The following GADL1 variants were observed in gnomAD, a reference collection of about 807,000 sequenced individuals.
GADL1 encodes acidic amino acid decarboxylase GADL1.
A neutral mutation model predicts 69.5 loss-of-function variants in GADL1; 71 were observed. The observed-to-expected ratio is 1.02, with a 90% CI of 0.84 to 1.25. The LOEUF (loss-of-function observed/expected upper bound fraction) is 1.25. GADL1 is among the 50% of genes most tolerant of loss of function. GADL1 has a pLI of 0.00. For synonymous variants in GADL1, 254 were observed against 214.4 expected, an observed-to-expected ratio of 1.18 and a Z score of -1.62; for missense variants, 737 against 631.8, an observed-to-expected ratio of 1.17 and a Z score of -1.79.
In GADL1 at chr3:30,826,399, A is replaced by G. The variant is rs188214292; in HGVS notation, c.1050+7454T>C. Reference sequence around the variant, plus strand: ...TCCATACTGAAACAGGCTGGCTGCCAAGATGAGTGAATTCTTTACCTGGGA... The same window carrying G: ...TCCATACTGAAACAGGCTGGCTGCCGAGATGAGTGAATTCTTTACCTGGGA... On this transcript the variant is annotated intron_variant, in intron 11 of 14. Transcript: ENST00000282538. Among the ~76,000 whole-genome samples the G allele has an allele frequency of 7.2e-5, 11 of 152,032 alleles. No homozygotes were observed. The East Asian group carries it at 2.1e-3, about 30-fold the overall frequency.
At chr3:30,824,825 T>A (rs1697656532) in intron 11 of GADL1, among the ~76,000 whole-genome samples, 1 of 150,534 alleles carries the variant, frequency 6.6e-6, no homozygotes, top group Non-Finnish European at 1.5e-5. Flanking sequence ...TCTCTGGGTT[T>A]CTGGTTATGT....
At chr3:30,745,360 T>C (rs1695687299) in intron 14 of GADL1, among the ~76,000 whole-genome samples, 1 of 152,264 alleles carries the variant, frequency 6.6e-6, no homozygotes, top group Non-Finnish European at 1.5e-5. Context: ...TACATGTCTA[T>C]CAATTAGATC....
Position 30,868,267 on chromosome 3 carries a change from G to A in GADL1, c.38-6502C>T, listed in dbSNP as rs567120997. 1.1e-4 allele frequency among the ~76,000 whole-genome samples: 17 copies of A among 152,106 alleles called. No homozygotes were observed. The South Asian group carries it at 2.7e-3, about 24-fold the overall frequency. ...GCTCTCAGTTTTTTCAGTGGTTTCC[G>A]ATAGTCCGTGGTCTGTAGTCTGGAC... On this transcript the variant is annotated intron_variant, in intron 1 of 14. Coordinates refer to ENST00000282538, the MANE Select transcript of GADL1 (RefSeq NM_207359.3).
chr3:30,771,668 G>T (rs1413888817), intron 14 of GADL1, among the ~76,000 whole-genome samples: 1 of 152,118 alleles, frequency 6.6e-6, no homozygotes, highest in East Asian at 1.9e-4. Context: ...CCTCATCTTT[G>T]AACATTTTTT....
chr3:30,862,526 G>A (rs890762575), intron 1 of GADL1, among the ~76,000 whole-genome samples: 2 of 151,974 alleles, frequency 1.3e-5, no homozygotes, highest in Non-Finnish European at 2.9e-5. Flanking sequence ...GCATTTCTGA[G>A]CCCTAGGATG....
At position 30,801,914 on chromosome 3, in the gene GADL1, A is replaced by G. The variant is rs528406973; in HGVS notation, c.1051-826T>C. Among the ~76,000 whole-genome samples, 3 of 152,266 alleles carry G rather than the reference A, an allele frequency of 2.0e-5. No homozygotes were observed. In the East Asian group the frequency reaches 5.8e-4, roughly 29 times the overall value. On this transcript the variant is annotated intron_variant, in intron 11 of 14. Coordinates refer to ENST00000282538, the MANE Select transcript of GADL1 (RefSeq NM_207359.3). ...TTATGCTCCTCAGTGGAGCCAATGT[A>G]CTCAATGTCCTTGAACCACTACATC...
intron 6 of GADL1, among the ~76,000 whole-genome samples, chr3:30,846,352 T>C (rs73823930): frequency 0.072 from 10,983 of 152,242 alleles, 1,145 homozygotes; most frequent in African/African-American, 0.22. Context: ...TTCATTTCTA[T>C]AAAGATAAAA....
At chr3:30,835,632 T>G (rs1261330068) in intron 9 of GADL1, among the ~76,000 whole-genome samples, 5 of 152,028 alleles carry the variant, frequency 3.3e-5, no homozygotes, top group African/African-American at 1.2e-4. Context: ...GCTGGACTCT[T>G]GCAAGGCCCT....
intron 1 of GADL1, among the ~76,000 whole-genome samples, chr3:30,865,629 G>T (rs1698391076): frequency 6.6e-6 from 1 of 152,010 alleles, no homozygotes; most frequent in Non-Finnish European, 1.5e-5. Context: ...CAGTTAATGG[G>T]CTAGAGAAGA....
intron 8 of GADL1, 141 bp downstream of exon 8, chr3:30,844,069 C>T: frequency 3.0e-6 from 2 of 666,642 alleles, no homozygotes; most frequent in South Asian, 1.9e-5. Flanking sequence ...TTAATTCCAA[C>T]ATTCTCTCTC....
At chr3:30,856,762 T>G (rs1207203948) in intron 3 of GADL1, among the ~76,000 whole-genome samples, 3 of 151,940 alleles carry the variant, frequency 2.0e-5, no homozygotes, top group Admixed American at 1.3e-4. Flanking sequence ...AACTAGTATG[T>G]GGGGGTTGGC....
At chr3:30,879,163 A>G (rs1698612586) in intron 1 of GADL1, among the ~76,000 whole-genome samples, 1 of 151,856 alleles carries the variant, frequency 6.6e-6, no homozygotes, top group South Asian at 2.1e-4. Context: ...GTCATGTGGG[A>G]TGCATACTCA....
intron 14 of GADL1, among the ~76,000 whole-genome samples, chr3:30,733,484 G>T (rs987673443): frequency 5.9e-5 from 9 of 152,062 alleles, no homozygotes; most frequent in Non-Finnish European, 1.3e-4. Context: ...GAAAAAATTG[G>T]CATGAAATGT....
chr3:30,822,039 A>G (rs869485), intron 11 of GADL1, among the ~76,000 whole-genome samples: 54,633 of 151,820 alleles, frequency 0.36, 13,380 homozygotes, highest in African/African-American at 0.66. Context: ...GTACAATATT[A>G]GGTTTCACTT....
intron 14 of GADL1, among the ~76,000 whole-genome samples, chr3:30,770,814 AAG>A (rs1462516983): frequency 2.2e-5 from 2 of 92,652 alleles, no homozygotes; most frequent in East Asian, 5.3e-4. Context: ...CAACAGAAAC[AAG>A]AGAAGAGAGG....
chr3:30,758,769 A>G (rs913560756), intron 14 of GADL1, among the ~76,000 whole-genome samples: 6 of 152,232 alleles, frequency 3.9e-5, no homozygotes, highest in African/African-American at 1.4e-4. Flanking sequence ...TTATTGCCTC[A>G]TAATGAAGTA....
rs189803732 is a variant in GADL1 at position 30,760,820 on chromosome 3, T to C, written c.1392+17359A>G. ...TTTTCTTCAGGTGGGGGCAGGGTGA[T>C]GATGGGCAGCCTGTGGAGCCTCAAA... On this transcript the variant is annotated intron_variant, in intron 14 of 14. Coordinates refer to ENST00000282538, the MANE Select transcript of GADL1 (RefSeq NM_207359.3). 3.9e-5 allele frequency among the ~76,000 whole-genome samples: 6 copies of C among 152,284 alleles called. No homozygotes were observed. In the East Asian group the frequency reaches 1.2e-3, roughly 29 times the overall value.
At chr3:30,783,338 A>G (rs1222176220) in intron 13 of GADL1, among the ~76,000 whole-genome samples, 1 of 152,228 alleles carries the variant, frequency 6.6e-6, no homozygotes, top group Non-Finnish European at 1.5e-5. Context: ...ACACAGAAAA[A>G]TAGAGATGAT....
chr3:30,757,004 C>T (rs745733644), intron 14 of GADL1, among the ~76,000 whole-genome samples: 14 of 152,084 alleles, frequency 9.2e-5, no homozygotes, highest in Non-Finnish European at 1.9e-4. Context: ...TCTTGAGAAT[C>T]AATGACAGCT....
Sources: gnomAD v4.1 joint callset for allele counts (sites outside exome capture counted in the v4.1 genomes callset) on GRCh38, gnomAD v4.1.1 for gene constraint, MANE v1.5 for transcripts, NCBI Gene and HGNC (gene_info 2026-07-23, HGNC 2026-07-21) for gene names.